OR9K2: variants seen among roughly 807,000 people sequenced by gnomAD.
OR9K2 encodes the protein olfactory receptor family 9 subfamily K member 2.
In OR9K2, 16 loss-of-function variants were observed where a neutral mutation model predicts 12.4. That is an observed-to-expected ratio of 1.29 (90% CI 0.87 to 1.95). The LOEUF (loss-of-function observed/expected upper bound fraction) is 1.95. Among genes scored for constraint, OR9K2 ranks in the 30% most tolerant of loss-of-function variants. OR9K2 has a pLI of 0.00. For synonymous variants in OR9K2, 133 were observed against 133.2 expected (o/e 1.00, Z 0.01); for missense variants, 434 against 376.5 (o/e 1.15, Z -1.26).
rs1207198560 is a variant in OR9K2 at position 55,132,654 on chromosome 12, G to A, written c.*1878G>A. The A allele has an allele frequency of 6.6e-6, 1 of 152,146 alleles. No individual in the cohort carries two copies. Among genetic ancestry groups the A allele is most frequent in the Admixed American group, 6.5e-5 (1 of 15,270 alleles). The allele number at this position is 152,146 out of a possible 1,614,324, so 9.4% of individuals were successfully genotyped here. ...GTGGTGTTTTGTTATGGGATCTCCA[G>A]CAAATTCATACAAATAGGTCTATAA... On this transcript the variant is annotated 3_prime_UTR_variant, in exon 3 of 3. Coordinates refer to ENST00000641329, the MANE Select transcript of OR9K2 (RefSeq NM_001005243.2).
At chr12:55,129,564 G>A (rs980097264) in intron 2 of OR9K2, 1 of 545,680 alleles carries the variant, frequency 1.8e-6, no homozygotes. Flanking sequence ...AATGTGAAAG[G>A]CATTTGGGTA....
At position 55,130,472 on chromosome 12, in the gene OR9K2, C is replaced by T. The variant is rs997513086; in HGVS notation, c.638C>T (p.Thr213Ile). 2.5e-6 allele frequency: 4 copies of T among 1,613,274 alleles called. No homozygotes were observed. The highest frequency in any genetic ancestry group is 3.4e-6 in the Non-Finnish European group (4 of 1,179,406). The change falls in exon 3 of 3, where the codon ACT becomes ATT. Residue 213 changes from threonine (T) to isoleucine (I), a missense_variant. Physicochemically the swap from Thr to Ile is moderately conservative, Grantham distance 89. Coordinates refer to ENST00000641329, the MANE Select transcript of OR9K2 (RefSeq NM_001005243.2). ...FSLSCIIILP[T>I]IIVIIVSYMY... ...TTATCATGTATTATTATCTTGCCTA[C>T]TATCATAGTCATTATAGTATCTTAC...
rs1185113758 is a variant in OR9K2 at position 55,132,456 on chromosome 12, C to G, written c.*1680C>G. On this transcript the variant is annotated 3_prime_UTR_variant, in exon 3 of 3. Transcript: ENST00000641329. The stretch of plus-strand genomic sequence containing the variant: ...GGAGATTAGGGCACACAGAGGGACA[C>G]CAGGGGTGCATGTGCACAGAACATC... 1 of 152,272 alleles carries G rather than the reference C, an allele frequency of 6.6e-6. No homozygotes were observed. Among genetic ancestry groups the G allele is most frequent in the South Asian group, 2.1e-4 (1 of 4,826 alleles). 9.4% of individuals were successfully genotyped at this position (152,272 alleles called of 1,614,324 possible). A position where few individuals can be genotyped will look rare whatever the true frequency, so the allele number is the denominator to read the frequency against.
chr12:55,130,172 C>G lies in OR9K2; in HGVS notation c.338C>G (p.Thr113Ser). ...QLFLFALLIV[T>S]EGFLLAAMAY... ...TTTCTCTTTGCCCTCCTCATTGTGACTGAGGGATTTCTCCTGGCGGCCATG... is the reference window on the plus strand; with the variant it reads ...TTTCTCTTTGCCCTCCTCATTGTGAGTGAGGGATTTCTCCTGGCGGCCATG... Residue 113 changes from threonine to serine, a missense_variant, in exon 3 of 3, where the codon ACT becomes AGT. Thr to Ser is a moderately conservative substitution (Grantham distance 58, BLOSUM62 1). Coordinates refer to ENST00000641329, the MANE Select transcript of OR9K2 (RefSeq NM_001005243.2). 6.2e-7 allele frequency: 1 copy of G among 1,614,096 alleles called. No homozygotes were observed. The highest frequency in any genetic ancestry group is 8.5e-7 in the Non-Finnish European group (1 of 1,180,004).
At position 55,129,691 on chromosome 12, in the gene OR9K2, C is replaced by T. The variant is rs1480634818; in HGVS notation, c.-9-135C>T. On this transcript the variant is annotated intron_variant, in intron 2 of 2. Transcript: ENST00000641329. The stretch of plus-strand genomic sequence containing the variant: ...TTGATTGGCTTTAAGTCACAGTATA[C>T]TTATGAGGCAAAAATTAATAATAAC... 3.1e-5 allele frequency: 33 copies of T among 1,048,524 alleles called. 1 individual carries two copies. The South Asian group carries it at 4.7e-4, about 15-fold the overall frequency. The allele number at this position is 1,048,524 out of a possible 1,614,324, so 65.0% of individuals were successfully genotyped here.
Position 55,130,422 on chromosome 12 carries a change from T to C in OR9K2, c.588T>C (p.Phe196=). 1 of 1,613,908 alleles carries C rather than the reference T, an allele frequency of 6.2e-7. No homozygotes were observed. The highest frequency in any genetic ancestry group is 2.2e-5 in the East Asian group (1 of 44,878). The change falls in exon 3 of 3, where the codon TTT becomes TTC. Residue 196 remains phenylalanine, a synonymous_variant. Transcript: ENST00000641329. ...AGAGACTGTCTTGTTCTGATCTCTT[T>C]ATCCATAGAATGATATCTTTTTCCT... ...PLQRLSCSDL[F]IHRMISFSLS...
At chr12:55,129,770 T>C in intron 2 of OR9K2, 56 bp from the exon 3 acceptor site, 1 of 1,597,026 alleles carries the variant, frequency 6.3e-7, no homozygotes, top group Non-Finnish European at 8.6e-7. Context: ...TTATTTGTAA[T>C]GCTAGGATCC....
At chr12:55,127,714 G>A (rs557120974) in intron 2 of OR9K2, among the ~76,000 whole-genome samples, 1 of 151,904 alleles carries the variant, frequency 6.6e-6, no homozygotes, top group African/African-American at 2.4e-5. Flanking sequence ...GTCCAAAAAC[G>A]ACCATATATA....
At chr12:55,129,662 G>T (rs1953454064) in intron 2 of OR9K2, 164 bp from the exon 3 acceptor site, 2 of 764,502 alleles carry the variant, frequency 2.6e-6, no homozygotes, top group South Asian at 3.7e-5. Context: ...GGTTTCAACA[G>T]CAATTGATTG....
At position 55,129,946 on chromosome 12, in the gene OR9K2, T is replaced by C. The variant is rs140138852; in HGVS notation, c.112T>C (p.Tyr38His). The C allele has an allele frequency of 1.1e-5, 17 of 1,613,960 alleles. No individual in the cohort carries two copies. The African/African-American group carries it at 2.1e-4, about 20-fold the overall frequency. Residue 38 changes from tyrosine (Y) to histidine (H), a missense_variant, in exon 3 of 3, where the codon TAT (tyrosine) becomes CAT (histidine). By Grantham distance (83) the Tyr-to-His change is moderately conservative. Transcript: ENST00000641329. ...CCTCTTCCTGCTATTTTTGTTTGTT[T>C]ATGCCATGATCCTTCTAGGGAATGT... ...ILLFLLFLFV[Y>H]AMILLGNVGM...
intron 1 of OR9K2, 84 bp downstream of exon 1, chr12:55,126,600 C>G (rs1359696798): frequency 6.6e-6 from 1 of 152,028 alleles, no homozygotes; most frequent in Non-Finnish European, 1.5e-5. Flanking sequence ...CACCTTGACT[C>G]TCTTCTAAAA....
rs140070869 is a variant in OR9K2 at position 55,130,350 on chromosome 12, C to A, written c.516C>A (p.Cys172Ter). 6.2e-7 allele frequency: 1 copy of A among 1,613,932 alleles called. No individual in the cohort carries two copies. The highest frequency in any genetic ancestry group is 1.1e-5 in the South Asian group (1 of 91,076). ...GCATGACATTTACTTTATCTTTTTGCGCTTCTCGGGCTGTTGACCACTTTT... is the reference window on the plus strand; with the variant it reads ...GCATGACATTTACTTTATCTTTTTGAGCTTCTCGGGCTGTTGACCACTTTT... ...QTSMTFTLSF[C>*]ASRAVDHFYC... is the part of the protein sequence containing the mutation. The change falls in exon 3 of 3, where the codon TGC (cysteine) becomes TGA (stop). Residue 172 changes from cysteine (C) to a stop codon, truncating the protein, a stop_gained. Coordinates refer to ENST00000641329, the MANE Select transcript of OR9K2 (RefSeq NM_001005243.2). LOFTEE classifies it high-confidence loss of function.
intron 2 of OR9K2, among the ~76,000 whole-genome samples, chr12:55,127,609 CT>C (rs1316867082): frequency 2.0e-5 from 3 of 151,868 alleles, no homozygotes; most frequent in Non-Finnish European, 4.4e-5. Flanking sequence ...TCTTAATAAT[CT>C]TTTTTCTCAG....
Position 55,130,038 on chromosome 12 carries a change from T to A in OR9K2, c.204T>A (p.Asn68Lys), listed in dbSNP as rs1194884206. 1.2e-6 allele frequency: 2 copies of A among 1,612,898 alleles called. No individual in the cohort carries two copies. The highest frequency in any genetic ancestry group is 2.2e-5 in the South Asian group (2 of 91,076). ...LNTPMYFFLG[N>K]LSFIDLFYSS... ...CACCAATGTATTTTTTCCTAGGCAA[T>A]CTCTCCTTCATTGATCTTTTCTATT... The change falls in exon 3 of 3, where the codon AAT becomes AAA. Residue 68 changes from asparagine (N) to lysine (K), a missense_variant. Asn to Lys is a moderately conservative substitution (Grantham distance 94, BLOSUM62 0). Coordinates refer to ENST00000641329, the MANE Select transcript of OR9K2 (RefSeq NM_001005243.2).
rs559634023 is a variant in OR9K2, at chr12:55,128,578, T to A, written c.-9-1248T>A. 2.0e-5 allele frequency among the ~76,000 whole-genome samples: 3 copies of A among 152,216 alleles called. No individual in the cohort carries two copies. The East Asian group carries it at 5.8e-4, about 30-fold the overall frequency. ...AATAATAACCACCTAATGTTATTAT[T>A]GAATGGATTAAATGAGCTACTATGA... is the stretch of plus-strand genomic sequence containing the variant. On this transcript the variant is annotated intron_variant, in intron 2 of 2. Coordinates refer to ENST00000641329, the MANE Select transcript of OR9K2 (RefSeq NM_001005243.2).
chr12:55,129,778 T>C, intron 2 of OR9K2, 48 bp from the exon 3 acceptor site: 1 of 1,601,444 alleles, frequency 6.2e-7, no homozygotes, highest in Non-Finnish European at 8.5e-7. Flanking sequence ...AATGCTAGGA[T>C]CCAAACCAAG....
chr12:55,126,547 C>T (rs1953429627), intron 1 of OR9K2, 31 bp downstream of exon 1: 1 of 151,974 alleles, frequency 6.6e-6, no homozygotes, highest in Non-Finnish European at 1.5e-5. Flanking sequence ...GATTTTTGTT[C>T]CTGGAATCAC....
chr12:55,129,260 A>G (rs924459570), intron 2 of OR9K2, among the ~76,000 whole-genome samples: 5 of 152,146 alleles, frequency 3.3e-5, no homozygotes, highest in African/African-American at 9.7e-5. Flanking sequence ...TAGTGGGTAC[A>G]TAACTTCCAT....
At position 55,129,838 on chromosome 12, in the gene OR9K2, G is replaced by T. The variant is rs1163729286; in HGVS notation, c.4G>T (p.Gly2Cys). ...TGCCTCTCAACAGGTTTCTACCATG[G>T]GTGACAGGGGAACAAGCAATCACTC... The part of the protein sequence containing the change: M[G>C]DRGTSNHSEM... The change falls in exon 3 of 3, where the codon GGT becomes TGT. Residue 2 changes from glycine (G) to cysteine (C), a missense_variant. Physicochemically the swap from Gly to Cys is radical, Grantham distance 159. Transcript: ENST00000641329. 6.2e-7 allele frequency: 1 copy of T among 1,613,344 alleles called. No individual in the cohort carries two copies. The highest frequency in any genetic ancestry group is 8.5e-7 in the Non-Finnish European group (1 of 1,179,382).
Sources: allele counts gnomAD v4.1 joint callset (sites outside exome capture counted in the v4.1 genomes callset), GRCh38; gene constraint gnomAD v4.1.1; transcripts MANE v1.5; gene names NCBI Gene and HGNC (gene_info 2026-07-23, HGNC 2026-07-21).